TLE1: variants seen among roughly 807,000 people sequenced by gnomAD.
The protein encoded by TLE1 is transducin-like enhancer protein 1.
TLE1 carries 21 observed loss-of-function variants against 89.8 expected under a neutral mutation model. That is an observed-to-expected ratio of 0.23 (90% CI 0.17 to 0.34). TLE1 has a LOEUF of 0.34. Ranked by LOEUF, TLE1 falls within the 10% of genes least tolerant of loss-of-function variation. TLE1 has a pLI of 1.00. For synonymous variants in TLE1, 447 were observed against 407.6 expected (o/e 1.10, Z -1.16); for missense variants, 795 against 1,031.2 (o/e 0.77, Z 3.14).
chr9:81,641,480 C>G lies in TLE1; in HGVS notation c.373-7179G>C, dbSNP rs1017528605. ...AAGGCCCCATCTCAATGCAGGAGCA[C>G]ACAGAAAATGATGCATGGGCAACCT... is the stretch of plus-strand genomic sequence containing the variant. On this transcript the variant is annotated intron_variant, in intron 6 of 19. Coordinates refer to ENST00000376499, the MANE Select transcript of TLE1 (RefSeq NM_005077.5). Among the ~76,000 whole-genome samples the G allele has an allele frequency of 2.0e-4, 31 of 152,122 alleles. 1 individual carries two copies.
chr9:81,593,740 A>C lies in TLE1; in HGVS notation c.1332-466T>G, dbSNP rs902419500. On this transcript the variant is annotated intron_variant, in intron 14 of 19. Coordinates refer to ENST00000376499, the MANE Select transcript of TLE1 (RefSeq NM_005077.5). Reference sequence around the variant, plus strand: ...GTAGATATATTTCAACAGCAAAAACAACCTCCAAAAAAACAGCTTTCTAAA... The same window carrying C: ...GTAGATATATTTCAACAGCAAAAACCACCTCCAAAAAAACAGCTTTCTAAA... Among the ~76,000 whole-genome samples the C allele has an allele frequency of 2.0e-5, 3 of 152,334 alleles. No homozygotes were observed. The South Asian group carries it at 6.2e-4, about 32-fold the overall frequency.
chr9:81,629,944 T>C (rs1196581995), intron 8 of TLE1, among the ~76,000 whole-genome samples: 1 of 152,180 alleles, frequency 6.6e-6, no homozygotes, highest in Admixed American at 6.5e-5. Context: ...TAAGGCTCAT[T>C]TGTTTTCCTA....
At chr9:81,643,471 G>C (rs2132496525) in intron 6 of TLE1, among the ~76,000 whole-genome samples, 1 of 152,172 alleles carries the variant, frequency 6.6e-6, no homozygotes, top group South Asian at 2.1e-4. Flanking sequence ...CCCAACCTCA[G>C]GTGATCCGCC....
chr9:81,610,360 T>TTG, intron 13 of TLE1, 64 bp from the exon 14 acceptor site: 4 of 1,197,928 alleles, frequency 3.3e-6, no homozygotes, highest in Non-Finnish European at 3.7e-6. Context: ...TGAACATCAA[T>TTG]ACTGTTCATT....
intron 17 of TLE1, among the ~76,000 whole-genome samples, chr9:81,587,059 T>C (rs1403768052): frequency 6.6e-6 from 1 of 152,212 alleles, no homozygotes; most frequent in Non-Finnish European, 1.5e-5. Flanking sequence ...CAAGTCTACA[T>C]TCAGACATTG....
chr9:81,613,255 A>C, intron 12 of TLE1, 122 bp downstream of exon 12: 1 of 1,349,916 alleles, frequency 7.4e-7, no homozygotes, highest in Admixed American at 2.7e-5. Context: ...AGAGATAGGA[A>C]GGAGGGTGGC....
At chr9:81,587,509 G>A (rs1193990551) in intron 17 of TLE1, among the ~76,000 whole-genome samples, 172 bp downstream of exon 17, 1 of 152,178 alleles carries the variant, frequency 6.6e-6, no homozygotes, top group South Asian at 2.1e-4. Flanking sequence ...TAGGGGGAGG[G>A]TCGTGAAGGA....
chr9:81,611,090 C>T (rs377715789), intron 13 of TLE1, among the ~76,000 whole-genome samples: 25 of 152,282 alleles, frequency 1.6e-4, no homozygotes, highest in African/African-American at 6.0e-4. Context: ...AGAGAAATGA[C>T]GGTGGGACTT....
intron 4 of TLE1, among the ~76,000 whole-genome samples, chr9:81,678,648 A>C (rs182689787): frequency 4.2e-4 from 64 of 151,758 alleles, no homozygotes; most frequent in Admixed American, 3.8e-3. Context: ...AACTCCGTCT[A>C]TACTAAAAAC....
At chr9:81,624,469 A>G (rs1159194615) in intron 8 of TLE1, among the ~76,000 whole-genome samples, 1 of 152,228 alleles carries the variant, frequency 6.6e-6, no homozygotes. Flanking sequence ...CCTAGAGTCT[A>G]TACTTTGAAA....
chr9:81,626,409 G>A (rs186059977), intron 8 of TLE1, among the ~76,000 whole-genome samples: 90 of 152,184 alleles, frequency 5.9e-4, no homozygotes, highest in Non-Finnish European at 9.9e-4. Flanking sequence ...ATCACCCTGC[G>A]CTGCACTTTT....
intron 16 of TLE1, among the ~76,000 whole-genome samples, chr9:81,588,104 C>T (rs570978813): frequency 6.6e-6 from 1 of 152,256 alleles, no homozygotes; most frequent in South Asian, 2.1e-4. Flanking sequence ...AAATATGCTA[C>T]TCTGACAAAA....
intron 16 of TLE1, among the ~76,000 whole-genome samples, chr9:81,589,296 C>T (rs1196037198): frequency 6.6e-6 from 1 of 152,208 alleles, no homozygotes; most frequent in Non-Finnish European, 1.5e-5. Context: ...CTGGCAGCTG[C>T]TCCCCCATCC....
chr9:81,653,640 A>G (rs1259431513), intron 5 of TLE1, among the ~76,000 whole-genome samples: 1 of 152,232 alleles, frequency 6.6e-6, no homozygotes, highest in Non-Finnish European at 1.5e-5. Context: ...AAAAGTCAGT[A>G]TGAGAACAGC....
intron 16 of TLE1, 93 bp from the exon 17 acceptor site, chr9:81,587,921 T>TCATCCC: frequency 3.2e-6 from 3 of 923,768 alleles, no homozygotes; most frequent in Non-Finnish European, 4.6e-6. Context: ...TGTGTGTGTG[T>TCATCCC]GTGTGTGTGT....
In TLE1 at chr9:81,681,072, T is replaced by G. The variant is rs191611316; in HGVS notation, c.234+4604A>C. ...AACCCACTAAAGAACAACGCATTTT[T>G]CTAAGAGAAATTTTAAAGCACACAT... On this transcript the variant is annotated intron_variant, in intron 4 of 19. Coordinates refer to ENST00000376499, the MANE Select transcript of TLE1 (RefSeq NM_005077.5). Among the ~76,000 whole-genome samples, 572 of 152,320 alleles carry G rather than the reference T, an allele frequency of 3.8e-3. 5 individuals carry two copies. The highest frequency in any genetic ancestry group is 0.013 in the African/African-American group (540 of 41,570).
rs1829873582 is a variant in TLE1 at position 81,654,091 on chromosome 9, G to C, written c.235-55C>G. On this transcript the variant is annotated intron_variant, in intron 4 of 19. Coordinates refer to ENST00000376499, the MANE Select transcript of TLE1 (RefSeq NM_005077.5). ...GAATACTTCACAATCAGTTCAGAAA[G>C]GTAAAACTTCATACCCCTAACACTT... 14 of 1,562,890 alleles carry C rather than the reference G, an allele frequency of 9.0e-6. No individual in the cohort carries two copies. The South Asian group carries it at 1.3e-4, about 15-fold the overall frequency.
intron 4 of TLE1, among the ~76,000 whole-genome samples, chr9:81,675,245 G>T (rs969803793): frequency 6.6e-6 from 1 of 152,120 alleles, no homozygotes; most frequent in African/African-American, 2.4e-5. Flanking sequence ...TATGGGTATT[G>T]CTGTGTATTT....
chr9:81,617,133 C>CAAAAAA (rs56692367), intron 9 of TLE1, among the ~76,000 whole-genome samples: 2 of 124,188 alleles, frequency 1.6e-5, no homozygotes, highest in African/African-American at 2.8e-5. Context: ...CTAGTTAATG[C>CAAAAAA]AAAAAAAAAA....
Sources: allele counts gnomAD v4.1 joint callset (sites outside exome capture counted in the v4.1 genomes callset), GRCh38; gene constraint gnomAD v4.1.1; transcripts MANE v1.5; gene names NCBI Gene and HGNC (gene_info 2026-07-23, HGNC 2026-07-21).